Variants in CNOT1 observed in about 807,000 individuals in gnomAD.
The protein encoded by CNOT1 is CCR4-NOT transcription complex subunit 1.
CNOT1 carries 15 observed loss-of-function variants against 273.8 expected under a neutral mutation model. That is an observed-to-expected ratio of 0.05 (90% CI 0.04 to 0.08). CNOT1 has a LOEUF of 0.08. Ranked by LOEUF, CNOT1 falls within the 10% of genes least tolerant of loss-of-function variation. CNOT1 has a pLI of 1.00. For synonymous variants in CNOT1, 1,022 were observed against 1,005.5 expected (o/e 1.02, Z -0.31); for missense variants, 1,644 against 2,912.2 (o/e 0.56, Z 10.02).
chr16:58,605,278 G>T (rs1040259300), intron 1 of CNOT1, among the ~76,000 whole-genome samples: 31 of 152,228 alleles, frequency 2.0e-4, no homozygotes, highest in African/African-American at 7.0e-4. Flanking sequence ...TGAGGCGGGT[G>T]GATCACCTGA....
intron 18 of CNOT1, among the ~76,000 whole-genome samples, chr16:58,558,236 C>T (rs546711352): frequency 1.3e-5 from 2 of 152,136 alleles, no homozygotes; most frequent in Non-Finnish European, 2.9e-5. Flanking sequence ...AATAAAAAAT[C>T]CTTACTAAAT....
intron 22 of CNOT1, among the ~76,000 whole-genome samples, chr16:58,553,210 T>G (rs1215046946): frequency 6.6e-6 from 1 of 151,918 alleles, no homozygotes; most frequent in Non-Finnish European, 1.5e-5. Flanking sequence ...AGGACAATGT[T>G]GCAGTGAACC....
intron 2 of CNOT1, chr16:58,598,910 G>C (rs2042364474): frequency 8.0e-6 from 2 of 251,514 alleles, no homozygotes; most frequent in South Asian, 9.9e-5. Flanking sequence ...ATACAGCCGG[G>C]CATGGTGGCA....
rs2040392457 is a variant in CNOT1, at chr16:58,549,703, A to G, written c.3522+16T>C. ...TCAAAGCAATAATTAAAGGAAATAT[A>G]AGAACCAACTCTTACTTTAATGTTT... On this transcript the variant is annotated intron_variant, in intron 25 of 48. Transcript: ENST00000317147. The G allele has an allele frequency of 6.3e-7, 1 of 1,576,534 alleles. No individual in the cohort carries two copies. Among genetic ancestry groups the G allele is most frequent in the South Asian group, 1.2e-5 (1 of 84,460 alleles).
At chr16:58,608,813 A>C (rs2042784886) in intron 1 of CNOT1, among the ~76,000 whole-genome samples, 1 of 152,212 alleles carries the variant, frequency 6.6e-6, no homozygotes, top group African/African-American at 2.4e-5. Flanking sequence ...TGGCATTCGC[A>C]GCGACCTGGA....
At chr16:58,543,331 C>T (rs1316079435) in intron 31 of CNOT1, 8 of 1,548,556 alleles carry the variant, frequency 5.2e-6, no homozygotes, top group Non-Finnish European at 7.0e-6. Context: ...ATCACATTTC[C>T]TTTTTAAATC....
intron 42 of CNOT1, 144 bp from the exon 43 acceptor site, chr16:58,530,491 C>T (rs982747332): frequency 1.3e-5 from 7 of 539,356 alleles, no homozygotes; most frequent in East Asian, 3.1e-5. Flanking sequence ...TACAAAAGAT[C>T]GGCATTAAAG....
At chr16:58,600,328 T>A (rs1684051115) in intron 1 of CNOT1, among the ~76,000 whole-genome samples, 1 of 152,022 alleles carries the variant, frequency 6.6e-6, no homozygotes, top group Admixed American at 6.6e-5. Flanking sequence ...TGGTACTCGG[T>A]CTCAAAAAAA....
chr16:58,528,700 C>CA (rs1469411300), intron 43 of CNOT1, 52 bp from the exon 44 acceptor site: 7 of 1,347,934 alleles, frequency 5.2e-6, no homozygotes, highest in Non-Finnish European at 7.2e-6. Flanking sequence ...AATGGAGTAA[C>CA]ATTTTCCTAT....
intron 1 of CNOT1, among the ~76,000 whole-genome samples, chr16:58,611,459 C>A (rs1045308944): frequency 6.6e-6 from 1 of 151,752 alleles, no homozygotes; most frequent in African/African-American, 2.4e-5. Flanking sequence ...AATAAACTCC[C>A]CAGTCAATTA....
chr16:58,583,305 T>G (rs774946096), intron 8 of CNOT1, 123 bp from the exon 9 acceptor site: 51 of 1,479,596 alleles, frequency 3.4e-5, no homozygotes, highest in Non-Finnish European at 4.5e-5. Flanking sequence ...GGCAGAGCAG[T>G]AAGTGTTATT....
At chr16:58,551,474 C>A in intron 23 of CNOT1, 115 bp downstream of exon 23, 1 of 1,299,616 alleles carries the variant, frequency 7.7e-7, no homozygotes, top group Non-Finnish European at 1.1e-6. Context: ...ACATGTCAGT[C>A]TTTTATATCT....
At chr16:58,602,763 T>G (rs2042521335) in intron 1 of CNOT1, among the ~76,000 whole-genome samples, 1 of 151,658 alleles carries the variant, frequency 6.6e-6, no homozygotes, top group African/African-American at 2.4e-5. Context: ...AAAAAAATTT[T>G]TTTAAAAAGA....
At chr16:58,589,602 T>C (rs1188018442) in intron 2 of CNOT1, among the ~76,000 whole-genome samples, 2 of 151,988 alleles carry the variant, frequency 1.3e-5, no homozygotes, top group African/African-American at 4.8e-5. Context: ...ACTCTGTACT[T>C]TGCTCAACAT....
At chr16:58,531,123 G>A (rs908224314) in intron 42 of CNOT1, among the ~76,000 whole-genome samples, 1 of 152,182 alleles carries the variant, frequency 6.6e-6, no homozygotes, top group Non-Finnish European at 1.5e-5. Context: ...GCCAATGTCA[G>A]CCTGCTCACC....
At chr16:58,591,453 G>A (rs2042049474) in intron 2 of CNOT1, among the ~76,000 whole-genome samples, 1 of 152,122 alleles carries the variant, frequency 6.6e-6, no homozygotes, top group Admixed American at 6.6e-5. Context: ...GGCAGAATAT[G>A]TTTTCAAATT....
chr16:58,588,712 G>C, intron 3 of CNOT1, 87 bp downstream of exon 3: 2 of 1,492,382 alleles, frequency 1.3e-6, no homozygotes, highest in Non-Finnish European at 1.8e-6. Context: ...ATGCTATTTT[G>C]TACGTGTCAT....
intron 30 of CNOT1, among the ~76,000 whole-genome samples, chr16:58,544,133 A>T (rs2040182376): frequency 6.6e-6 from 1 of 152,210 alleles, no homozygotes; most frequent in African/African-American, 2.4e-5. Context: ...TTTTAAATCC[A>T]AGTTTAATGG....
chr16:58,564,040 TAAGG>T (rs1349983430), intron 16 of CNOT1, among the ~76,000 whole-genome samples: 1 of 152,054 alleles, frequency 6.6e-6, no homozygotes, highest in Non-Finnish European at 1.5e-5. Context: ...GTAAAAGAAA[TAAGG>T]AAGCTCTCTA....
Sources: gnomAD v4.1 joint callset for allele counts (sites outside exome capture counted in the v4.1 genomes callset) on GRCh38, gnomAD v4.1.1 for gene constraint, MANE v1.5 for transcripts, NCBI Gene and HGNC (gene_info 2026-07-23, HGNC 2026-07-21) for gene names.